Variants in NR1H4 observed in about 807,000 individuals in gnomAD.
NR1H4 encodes bile acid receptor.
A neutral mutation model predicts 58.5 loss-of-function variants in NR1H4; 23 were observed. That is an observed-to-expected ratio of 0.39 (90% confidence interval 0.28 to 0.56). The LOEUF (loss-of-function observed/expected upper bound fraction) is 0.56. NR1H4 is among the 20% of genes least tolerant of loss of function. The pLI is 0.58. For missense variants in NR1H4, 487 were observed against 576.9 expected, an observed-to-expected ratio of 0.84 and a Z score of 1.60; for synonymous variants, 214 against 198.0, an observed-to-expected ratio of 1.08 and a Z score of -0.68.
chr12:100,493,667 G>A (rs1192293879), intron 3 of NR1H4, among the ~76,000 whole-genome samples: 1 of 152,228 alleles, frequency 6.6e-6, no homozygotes, highest in Admixed American at 6.5e-5. Flanking sequence ...AATTAACAGA[G>A]CAGGGAGTAG....
rs147669757 is a variant in NR1H4 at position 100,543,810 on chromosome 12, G to C, written c.1078+2992G>C. 8.2e-3 allele frequency among the ~76,000 whole-genome samples: 1,255 copies of C among 152,190 alleles called. 16 individuals are homozygous for C. Among genetic ancestry groups the C allele is most frequent in the Middle Eastern group, 0.02 (6 of 294 alleles). ...GGACAGGCTGAATTTTCACATGTAT[G>C]GGTATAATTGTTGTTTTAGACTATT... On this transcript the variant is annotated intron_variant, in intron 9 of 10. Transcript: ENST00000392986.
intron 5 of NR1H4, among the ~76,000 whole-genome samples, chr12:100,534,357 A>G (rs1954765988): frequency 6.6e-6 from 1 of 152,154 alleles, no homozygotes; most frequent in Non-Finnish European, 1.5e-5. Context: ...GGATGTTAAC[A>G]TTTGTTTTTC....
At chr12:100,559,880 A>G (rs945694301) in intron 9 of NR1H4, among the ~76,000 whole-genome samples, 1 of 152,314 alleles carries the variant, frequency 6.6e-6, no homozygotes, top group South Asian at 2.1e-4. Context: ...CTTTATATCT[A>G]GCTCAGGGAT....
At chr12:100,526,216 G>A (rs1395881819) in intron 4 of NR1H4, among the ~76,000 whole-genome samples, 2 of 140,986 alleles carry the variant, frequency 1.4e-5, no homozygotes, top group African/African-American at 2.8e-5. Flanking sequence ...GCTTATTTTG[G>A]ATTTAATTTG....
At chr12:100,546,679 A>C (rs1408895032) in intron 9 of NR1H4, among the ~76,000 whole-genome samples, 1 of 152,096 alleles carries the variant, frequency 6.6e-6, no homozygotes, top group African/African-American at 2.4e-5. Flanking sequence ...TGGGTGACAG[A>C]GTGAGACTCT....
Position 100,485,753 on chromosome 12 carries a change from C to T in NR1H4, c.-189-6750C>T, listed in dbSNP as rs543559832. On this transcript the variant is annotated intron_variant, in intron 1 of 10. Transcript: ENST00000392986. ...TTCACCATGTTGGCCAGGCTGGTCT[C>T]GAACTCCTGACCTCAGCTGATCTGC... is the stretch of plus-strand genomic sequence containing the variant. Among the ~76,000 whole-genome samples the T allele has an allele frequency of 5.9e-4, 89 of 152,134 alleles. 1 individual carries two copies. In the South Asian group the frequency reaches 0.017, roughly 28 times the overall value.
intron 9 of NR1H4, among the ~76,000 whole-genome samples, chr12:100,543,874 A>G (rs1403819997): frequency 2.6e-5 from 4 of 152,140 alleles, no homozygotes; most frequent in Non-Finnish European, 4.4e-5. Context: ...GCAGAAAACT[A>G]CAATGGCTTC....
chr12:100,499,740 T>C (rs1953792513), intron 3 of NR1H4: 1 of 414,290 alleles, frequency 2.4e-6, no homozygotes, highest in Non-Finnish European at 4.8e-6. Context: ...TGCAAATATA[T>C]TAACTTACAA....
intron 8 of NR1H4, among the ~76,000 whole-genome samples, chr12:100,537,420 C>T (rs1954838454): frequency 6.6e-6 from 1 of 152,190 alleles, no homozygotes; most frequent in Non-Finnish European, 1.5e-5. Context: ...TTGTCATTCA[C>T]CCATTTATTC....
intron 10 of NR1H4, among the ~76,000 whole-genome samples, chr12:100,562,228 G>A (rs1439010488): frequency 4.6e-5 from 7 of 152,128 alleles, no homozygotes; most frequent in African/African-American, 7.2e-5. Context: ...CACCTACTAT[G>A]TACTAACCAT....
intron 9 of NR1H4, among the ~76,000 whole-genome samples, chr12:100,559,712 C>A (rs1450295666): frequency 6.6e-6 from 1 of 152,244 alleles, no homozygotes; most frequent in East Asian, 1.9e-4. Context: ...ACGAGCACCA[C>A]CCCCTGCTCC....
chr12:100,505,626 G>T lies in NR1H4; in HGVS notation c.80-5152G>T, dbSNP rs751171929. ...TCCATGTGTTCTCATTTAAGAACTC[G>T]TCCCTAAACTTCCATGGAGAACCGT... On this transcript the variant is annotated intron_variant, in intron 3 of 10. Coordinates refer to ENST00000392986, the MANE Select transcript of NR1H4 (RefSeq NM_001206979.2). 3 of 700,896 alleles carry T rather than the reference G, an allele frequency of 4.3e-6. No individual in the cohort carries two copies. The Admixed American group carries it at 6.0e-5, about 14-fold the overall frequency. 43.4% of individuals were successfully genotyped at this position (700,896 alleles called of 1,614,324 possible).
Position 100,547,721 on chromosome 12 carries a change from A to G in NR1H4, c.1078+6903A>G, listed in dbSNP as rs539695821. Among the ~76,000 whole-genome samples, 171 of 151,398 alleles carry G rather than the reference A, an allele frequency of 1.1e-3. 1 individual carries two copies. The highest frequency in any genetic ancestry group is 1.9e-3 in the Non-Finnish European group (131 of 67,784). On this transcript the variant is annotated intron_variant, in intron 9 of 10. Coordinates refer to ENST00000392986, the MANE Select transcript of NR1H4 (RefSeq NM_001206979.2). ...ATTCCTTTGTTTTATTTATTTATTT[A>G]TTTATTTATTTATTTTGAGACAGAG...
chr12:100,557,022 T>C (rs1955344292), intron 9 of NR1H4, among the ~76,000 whole-genome samples: 1 of 152,224 alleles, frequency 6.6e-6, no homozygotes, highest in Admixed American at 6.5e-5. Flanking sequence ...CATTTTATTT[T>C]AATTTTTTTT....
chr12:100,531,226 C>T lies in NR1H4; in HGVS notation c.446-1232C>T, dbSNP rs3789982. Among the ~76,000 whole-genome samples, 1,872 of 152,228 alleles carry T rather than the reference C, an allele frequency of 0.012. 117 individuals are homozygous for T. In the East Asian group the frequency reaches 0.15, roughly 12 times the overall value. On this transcript the variant is annotated intron_variant, in intron 4 of 10. Transcript: ENST00000392986. ...ATCCCAGCACTTTGGGAGGCTGAGG[C>T]GGGCAGATCACTTAAGGTCAGGAGT...
At chr12:100,510,663 A>C in intron 3 of NR1H4, 115 bp from the exon 4 acceptor site, 1 of 781,970 alleles carries the variant, frequency 1.3e-6, no homozygotes, top group South Asian at 1.5e-5. Flanking sequence ...ACTTTTATGT[A>C]GTTAAATGTT....
intron 9 of NR1H4, among the ~76,000 whole-genome samples, chr12:100,558,888 C>G (rs1565786341): frequency 6.6e-6 from 1 of 152,198 alleles, no homozygotes; most frequent in African/African-American, 2.4e-5. Flanking sequence ...CTAGTTCCAC[C>G]TCTCTCAGCC....
At chr12:100,503,595 C>A in intron 3 of NR1H4, 2 of 1,224,810 alleles carry the variant, frequency 1.6e-6, no homozygotes, top group South Asian at 1.8e-5. Context: ...AGATGTCTGT[C>A]AAAGATAGTG....
intron 4 of NR1H4, among the ~76,000 whole-genome samples, chr12:100,530,326 A>G (rs906765272): frequency 6.6e-6 from 1 of 152,178 alleles, no homozygotes; most frequent in Non-Finnish European, 1.5e-5. Context: ...TTCTTCATCT[A>G]TAATATGGGG....
Sources: allele counts gnomAD v4.1 joint callset (sites outside exome capture counted in the v4.1 genomes callset), GRCh38; gene constraint gnomAD v4.1.1; transcripts MANE v1.5; gene names NCBI Gene and HGNC (gene_info 2026-07-23, HGNC 2026-07-21).